The following CCDC3 variants were observed in gnomAD, a reference collection of about 807,000 sequenced individuals.
The protein encoded by CCDC3 is coiled-coil domain-containing protein 3.
CCDC3 carries 24 observed loss-of-function variants against 21.4 expected under a neutral mutation model. The ratio of observed to expected loss-of-function variants is 1.12; its 90% CI spans 0.81 to 1.58. The LOEUF (loss-of-function observed/expected upper bound fraction) is 1.58, where lower values mean the gene tolerates loss of function less well. Ranked by LOEUF, CCDC3 falls within the 40% of genes most tolerant of loss-of-function variation. CCDC3 has a pLI of 0.00. For synonymous variants in CCDC3, 186 were observed against 166.0 expected, an observed-to-expected ratio of 1.12 and a Z score of -0.93; for missense variants, 425 against 360.9, an observed-to-expected ratio of 1.18 and a Z score of -1.44.
intron 5 of CCDC3, among the ~76,000 whole-genome samples, chr10:13,048,402 C>A (rs1784322932): frequency 6.6e-6 from 1 of 152,086 alleles, no homozygotes; most frequent in Non-Finnish European, 1.5e-5. Flanking sequence ...CCATGTTGGC[C>A]AGGACAGTCT....
At chr10:12,941,645 G>A (rs997411224) in intron 2 of CCDC3, among the ~76,000 whole-genome samples, 1 of 152,212 alleles carries the variant, frequency 6.6e-6, no homozygotes, top group Non-Finnish European at 1.5e-5. Flanking sequence ...AGATGCTGAA[G>A]GGAAGCTAAG....
upstream of CCDC3, among the ~76,000 whole-genome samples, chr10:13,002,588 C>T (rs533468051): frequency 2.0e-5 from 3 of 152,216 alleles, no homozygotes; most frequent in South Asian, 6.2e-4. Context: ...CTATGTTGCT[C>T]AGGCTGGTCT....
intron 2 of CCDC3, among the ~76,000 whole-genome samples, chr10:12,909,018 G>A (rs1341153782): frequency 6.6e-6 from 1 of 152,198 alleles, no homozygotes; most frequent in African/African-American, 2.4e-5. Context: ...CACAGTGGAT[G>A]GGGCTCTGGT....
chr10:12,940,988 G>A (rs576723777), intron 2 of CCDC3, among the ~76,000 whole-genome samples: 11 of 152,226 alleles, frequency 7.2e-5, no homozygotes, highest in East Asian at 3.9e-4. Flanking sequence ...GAACCAGAGC[G>A]ACTCCATTTT....
At chr10:12,911,916 C>A (rs1225831892) in intron 2 of CCDC3, among the ~76,000 whole-genome samples, 1 of 152,068 alleles carries the variant, frequency 6.6e-6, no homozygotes, top group East Asian at 1.9e-4. Flanking sequence ...AGTACTGGTG[C>A]CTGGCTTATT....
At chr10:12,935,462 A>G (rs563314897) in intron 2 of CCDC3, among the ~76,000 whole-genome samples, 27 of 152,298 alleles carry the variant, frequency 1.8e-4, no homozygotes, top group Admixed American at 9.2e-4. Context: ...GACTATTGGT[A>G]TAGTTGTATT....
upstream of CCDC3, among the ~76,000 whole-genome samples, chr10:13,005,261 C>T (rs2131290891): frequency 6.6e-6 from 1 of 152,294 alleles, no homozygotes; most frequent in South Asian, 2.1e-4. Flanking sequence ...TTATTTCTTC[C>T]TCATTCAACT....
At chr10:12,922,081 G>A (rs1006776750) in intron 2 of CCDC3, among the ~76,000 whole-genome samples, 4 of 151,972 alleles carry the variant, frequency 2.6e-5, no homozygotes, top group Admixed American at 6.6e-5. Flanking sequence ...GGACATTCAC[G>A]TTATACAAAC....
rs561036452 is a variant in CCDC3 at position 13,031,665 on chromosome 10, A to G, written c.-2+18009T>C. Among the ~76,000 whole-genome samples the G allele has an allele frequency of 2.7e-3, 412 of 152,330 alleles. 2 individuals are homozygous for G. Among genetic ancestry groups the G allele is most frequent in the African/African-American group, 9.5e-3 (396 of 41,574 alleles). ...AAAAAATGATAAAGGGGGTATCACC[A>G]CCAATCCCACAGAAATACAAACTAC... is the stretch of plus-strand genomic sequence containing the variant. On this transcript the variant is annotated intron_variant, in intron 5 of 6. Coordinates refer to the CCDC3 transcript ENST00000378839.
intron 5 of CCDC3, among the ~76,000 whole-genome samples, chr10:13,048,657 G>C (rs1230188965): frequency 1.3e-5 from 2 of 152,162 alleles, no homozygotes; most frequent in Non-Finnish European, 2.9e-5. Context: ...ACTGCAGACA[G>C]GAACTTGAAG....
intron 4 of CCDC3, among the ~76,000 whole-genome samples, chr10:13,073,056 G>A (rs1836906101): frequency 6.6e-6 from 1 of 151,704 alleles, no homozygotes; most frequent in Admixed American, 6.6e-5. Context: ...TAGTAGAGAC[G>A]AGTTTCACCA....
intron 4 of CCDC3, among the ~76,000 whole-genome samples, chr10:13,050,456 CTTTTTTTTTTT>C (rs35126304): frequency 3.0e-5 from 3 of 98,560 alleles, no homozygotes; most frequent in Non-Finnish European, 5.9e-5. Flanking sequence ...ATTATTTATT[CTTTTTTTTTTT>C]TTTTTTTTTT....
At chr10:12,989,054 C>T (rs1835641773) in intron 2 of CCDC3, among the ~76,000 whole-genome samples, 1 of 152,248 alleles carries the variant, frequency 6.6e-6, no homozygotes. Flanking sequence ...ATCGAGCCCC[C>T]TCAATCCAGA....
chr10:13,054,275 C>T (rs1015584806), intron 4 of CCDC3, among the ~76,000 whole-genome samples: 4 of 152,190 alleles, frequency 2.6e-5, no homozygotes, highest in East Asian at 1.9e-4. Flanking sequence ...CAGGCCACTC[C>T]GGGCTGCCTT....
intron 2 of CCDC3, among the ~76,000 whole-genome samples, chr10:12,985,522 A>C (rs770671736): frequency 1.3e-5 from 2 of 152,248 alleles, no homozygotes; most frequent in African/African-American, 4.8e-5. Flanking sequence ...ACTGAAAGTT[A>C]CCGTAATGTC....
chr10:12,943,475 T>G (rs187789957), intron 2 of CCDC3, among the ~76,000 whole-genome samples: 2 of 152,330 alleles, frequency 1.3e-5, no homozygotes, highest in Non-Finnish European at 2.9e-5. Flanking sequence ...AACACAAGCT[T>G]GCATAGGCAA....
intron 2 of CCDC3, among the ~76,000 whole-genome samples, chr10:12,985,818 C>G (rs1835580520): frequency 6.6e-6 from 1 of 152,154 alleles, no homozygotes; most frequent in Non-Finnish European, 1.5e-5. Context: ...TGGGACAGTT[C>G]TGTATCTTAA....
chr10:12,902,766 C>T (rs2131195354), intron 2 of CCDC3, among the ~76,000 whole-genome samples: 1 of 152,224 alleles, frequency 6.6e-6, no homozygotes, highest in South Asian at 2.1e-4. Context: ...AGTTAGCCCT[C>T]GACCATGGAC....
intron 2 of CCDC3, among the ~76,000 whole-genome samples, chr10:12,965,209 T>C (rs1242313752): frequency 6.6e-6 from 1 of 152,104 alleles, no homozygotes; most frequent in East Asian, 1.9e-4. Context: ...AAAAAGAGGG[T>C]ATATAACCTT....
Sources: gnomAD v4.1 joint callset for allele counts (sites outside exome capture counted in the v4.1 genomes callset) on GRCh38, gnomAD v4.1.1 for gene constraint, MANE v1.5 for transcripts, NCBI Gene and HGNC (gene_info 2026-07-23, HGNC 2026-07-21) for gene names.